PREX2: variants seen among roughly 807,000 people sequenced by gnomAD.
The protein encoded by PREX2 is phosphatidylinositol 3,4,5-trisphosphate-dependent Rac exchanger 2 protein.
A neutral mutation model predicts 203.2 loss-of-function variants in PREX2; 107 were observed. The observed-to-expected ratio is 0.53, with a 90% CI of 0.45 to 0.62. The LOEUF is 0.62. Among genes scored for constraint, PREX2 ranks in the 20% least tolerant of loss-of-function variants. The probability of loss-of-function intolerance (pLI) is 0.00; values close to 1 mark genes in which losing one functional copy is unlikely to be tolerated. For missense variants in PREX2, 1,777 were observed against 1,955.9 expected, an observed-to-expected ratio of 0.91 and a Z score of 1.72; for synonymous variants, 672 against 663.6, an observed-to-expected ratio of 1.01 and a Z score of -0.19.
intron 25 of PREX2, among the ~76,000 whole-genome samples, chr8:68,111,264 T>G (rs1353434025): frequency 1.3e-5 from 2 of 152,170 alleles, no homozygotes; most frequent in African/African-American, 4.8e-5. Context: ...ATTGCTATTT[T>G]GGGATGAGTC....
chr8:68,174,663 T>C (rs1041984965), intron 35 of PREX2, among the ~76,000 whole-genome samples: 1 of 152,220 alleles, frequency 6.6e-6, no homozygotes, highest in African/African-American at 2.4e-5. Context: ...CTTAACCCAT[T>C]ATGCTTTATA....
chr8:68,228,345 G>C (rs1229317289), intron 39 of PREX2, among the ~76,000 whole-genome samples: 1 of 152,138 alleles, frequency 6.6e-6, no homozygotes, highest in Non-Finnish European at 1.5e-5. Context: ...AAAATTGGCC[G>C]AGCATGGTGG....
intron 18 of PREX2, among the ~76,000 whole-genome samples, chr8:68,086,417 A>G (rs1257897310): frequency 2.6e-5 from 4 of 152,120 alleles, no homozygotes; most frequent in Non-Finnish European, 2.9e-5. Context: ...TGCTGTATCT[A>G]CCTTCAGACT....
intron 1 of PREX2, among the ~76,000 whole-genome samples, chr8:68,004,678 T>C (rs1807043313): frequency 6.6e-6 from 1 of 152,238 alleles, no homozygotes. Flanking sequence ...ATTTGTCATC[T>C]CTAAAAATAT....
At chr8:68,111,650 A>G (rs1463334258) in intron 25 of PREX2, among the ~76,000 whole-genome samples, 3 of 152,158 alleles carry the variant, frequency 2.0e-5, no homozygotes, top group Non-Finnish European at 4.4e-5. Flanking sequence ...GATTGGAGAA[A>G]CCACCTTGGT....
Position 68,138,444 on chromosome 8 carries a change from A to G in PREX2, c.4014A>G (p.Thr1338=), listed in dbSNP as rs111997219. Residue 1338 remains threonine (T), a synonymous_variant, in exon 33 of 40, where the codon ACA becomes ACG. Coordinates refer to ENST00000288368, the MANE Select transcript of PREX2 (RefSeq NM_024870.4). ...LTDEQAMLED[T]LVALFDLEKV... ...ATGAACAAGCCATGTTAGAAGATAC[A>G]CTGGTTGCACTATTTGATTTGGAAA... is the stretch of plus-strand genomic sequence containing the variant. 6.2e-7 allele frequency: 1 copy of G among 1,602,536 alleles called. No individual in the cohort carries two copies. Among genetic ancestry groups the G allele is most frequent in the Non-Finnish European group, 8.5e-7 (1 of 1,173,078 alleles).
At position 68,192,494 on chromosome 8, in the gene PREX2, C is replaced by T; in HGVS notation, c.4573C>T (p.His1525Tyr). 1.2e-6 allele frequency: 2 copies of T among 1,613,282 alleles called. No homozygotes were observed. Among genetic ancestry groups the T allele is most frequent in the South Asian group, 1.1e-5 (1 of 91,016 alleles). The stretch of plus-strand genomic sequence containing the variant: ...GCTGTGCAACAGGCTGGGCGCCTGC[C>T]ACATCATCATGTGCAGCAGCGGTGT... ...SELCNRLGAC[H>Y]IIMCSSGVHR... is the part of the protein sequence containing the mutation. The change falls in exon 37 of 40, where the codon CAC becomes TAC. Residue 1525 changes from histidine (H) to tyrosine (Y), a missense_variant. Transcript: ENST00000288368.
At chr8:68,201,338 G>T (rs1276641228) in intron 37 of PREX2, among the ~76,000 whole-genome samples, 1 of 151,988 alleles carries the variant, frequency 6.6e-6, no homozygotes, top group Non-Finnish European at 1.5e-5. Flanking sequence ...TTCTCTAGAG[G>T]GACAGAACTA....
intron 33 of PREX2, among the ~76,000 whole-genome samples, chr8:68,143,707 G>T (rs1336917414): frequency 6.6e-6 from 1 of 152,074 alleles, no homozygotes; most frequent in African/African-American, 2.4e-5. Context: ...ATGGGATATA[G>T]CTTATTATTT....
At chr8:68,118,188 T>C (rs1001286494) in intron 26 of PREX2, among the ~76,000 whole-genome samples, 1 of 152,014 alleles carries the variant, frequency 6.6e-6, no homozygotes, top group African/African-American at 2.4e-5. Context: ...ACCCTGTCTC[T>C]ACTAAAAATA....
At chr8:68,085,079 C>T (rs942813166) in intron 18 of PREX2, among the ~76,000 whole-genome samples, 13 of 152,294 alleles carry the variant, frequency 8.5e-5, no homozygotes, top group African/African-American at 2.6e-4. Flanking sequence ...GTTCAAGCCT[C>T]TCTTCCACTA....
At position 67,981,887 on chromosome 8, in the gene PREX2, G is replaced by C. The variant is rs531404905; in HGVS notation, c.141+29352G>C. Among the ~76,000 whole-genome samples, 6 of 152,264 alleles carry C rather than the reference G, an allele frequency of 3.9e-5. No homozygotes were observed. The East Asian group carries it at 9.7e-4, about 25-fold the overall frequency. On this transcript the variant is annotated intron_variant, in intron 1 of 39. Coordinates refer to ENST00000288368, the MANE Select transcript of PREX2 (RefSeq NM_024870.4). ...AGTGACTTGGTTGCTCAATTGAGAG[G>C]CTTCCATAAGAATCGCAGCTATCAG...
At chr8:68,122,001 T>G (rs1810784000) in intron 30 of PREX2, among the ~76,000 whole-genome samples, 1 of 152,158 alleles carries the variant, frequency 6.6e-6, no homozygotes, top group African/African-American at 2.4e-5. Flanking sequence ...CAATGGTATT[T>G]AACAGAATTA....
At chr8:67,986,085 C>T (rs1806410088) in intron 1 of PREX2, among the ~76,000 whole-genome samples, 1 of 152,188 alleles carries the variant, frequency 6.6e-6, no homozygotes, top group East Asian at 1.9e-4. Context: ...AGTTGGTTTT[C>T]GTAATCTTTC....
At chr8:68,098,794 A>G (rs939046494) in intron 22 of PREX2, among the ~76,000 whole-genome samples, 1 of 151,870 alleles carries the variant, frequency 6.6e-6, no homozygotes, top group African/African-American at 2.4e-5. Context: ...TAGTCTGCAT[A>G]AAAGGGAAGT....
chr8:68,223,020 G>A (rs1812986284), intron 38 of PREX2, among the ~76,000 whole-genome samples: 1 of 152,228 alleles, frequency 6.6e-6, no homozygotes, highest in African/African-American at 2.4e-5. Context: ...TTGGAGGGGA[G>A]TGAGGAGACA....
At chr8:68,095,537 ATG>A (rs144155575) in intron 21 of PREX2, among the ~76,000 whole-genome samples, 3,816 of 145,890 alleles carry the variant, frequency 0.026, 54 homozygotes, top group African/African-American at 0.036. Context: ...ACATACATAT[ATG>A]TGTGTGTGTG....
intron 8 of PREX2, 34 bp downstream of exon 8, chr8:68,044,624 A>G (rs745861103): frequency 4.9e-6 from 7 of 1,422,114 alleles, no homozygotes; most frequent in Non-Finnish European, 6.0e-6. Context: ...TGGGATGCCA[A>G]TAGTAAATAG....
In PREX2 at chr8:67,958,922, A is replaced by C. The variant is rs540173070; in HGVS notation, c.141+6387A>C. On this transcript the variant is annotated intron_variant, in intron 1 of 39. Coordinates refer to ENST00000288368, the MANE Select transcript of PREX2 (RefSeq NM_024870.4). Reference sequence around the variant, plus strand: ...GGACATGTTGAGCTGAGCCACAAATACTACTATGATTTTTGAAGATAAGAA... The same window carrying C: ...GGACATGTTGAGCTGAGCCACAAATCCTACTATGATTTTTGAAGATAAGAA... Among the ~76,000 whole-genome samples, 3 of 152,332 alleles carry C rather than the reference A, an allele frequency of 2.0e-5. No individual in the cohort carries two copies. The East Asian group carries it at 5.8e-4, about 29-fold the overall frequency.
Sources: allele counts gnomAD v4.1 joint callset (sites outside exome capture counted in the v4.1 genomes callset), GRCh38; gene constraint gnomAD v4.1.1; transcripts MANE v1.5; gene names NCBI Gene and HGNC (gene_info 2026-07-23, HGNC 2026-07-21).